FHIT: variants seen among roughly 807,000 people sequenced by gnomAD.
FHIT encodes fragile histidine triad diadenosine triphosphatase.
FHIT carries 19 observed loss-of-function variants against 17.9 expected under a neutral mutation model. The ratio of observed to expected loss-of-function variants is 1.06; its 90% confidence interval spans 0.74 to 1.56. The LOEUF is 1.56. Ranked by LOEUF, FHIT falls within the 40% of genes most tolerant of loss-of-function variation. The probability of loss-of-function intolerance (pLI) is 0.00; values close to 1 mark genes in which losing one functional copy is unlikely to be tolerated. For missense variants in FHIT, 248 were observed against 189.2 expected (o/e 1.31, Z -1.82); for synonymous variants, 81 against 69.7 (o/e 1.16, Z -0.81).
At chr3:60,868,041 A>G (rs1334449340) in intron 3 of FHIT, among the ~76,000 whole-genome samples, 1 of 152,172 alleles carries the variant, frequency 6.6e-6, no homozygotes, top group Non-Finnish European at 1.5e-5. Flanking sequence ...TCACCAAGAC[A>G]TAGCTTGTTA....
intron 4 of FHIT, among the ~76,000 whole-genome samples, chr3:60,674,360 C>T (rs577182869): frequency 2.6e-5 from 4 of 152,196 alleles, no homozygotes; most frequent in Admixed American, 1.3e-4. Context: ...TTAAATTCCT[C>T]ATTTTCTAAT....
intron 7 of FHIT, among the ~76,000 whole-genome samples, chr3:59,929,080 G>C (rs1575713227): frequency 6.6e-6 from 1 of 151,042 alleles, no homozygotes; most frequent in African/African-American, 2.4e-5. Context: ...TGTACAAGCT[G>C]GTGCAGATGT....
At chr3:60,571,577 G>C (rs1200347500) in intron 4 of FHIT, among the ~76,000 whole-genome samples, 1 of 152,026 alleles carries the variant, frequency 6.6e-6, no homozygotes, top group Admixed American at 6.6e-5. Context: ...AGGTCACCTG[G>C]GGTATGTTCA....
chr3:60,300,033 T>C (rs941978746), intron 5 of FHIT, among the ~76,000 whole-genome samples: 1 of 152,118 alleles, frequency 6.6e-6, no homozygotes, highest in Non-Finnish European at 1.5e-5. Flanking sequence ...GCTTCTTTAG[T>C]TCCAGGGCTG....
chr3:60,155,025 T>C (rs1700619884), intron 5 of FHIT, among the ~76,000 whole-genome samples: 1 of 151,628 alleles, frequency 6.6e-6, no homozygotes, highest in Non-Finnish European at 1.5e-5. Flanking sequence ...CATAGTGAGA[T>C]CCCAGTTTTA....
rs1001400591 is a variant in FHIT at position 60,023,008 on chromosome 3, C to T, written c.104-8856G>A. Among the ~76,000 whole-genome samples the T allele has an allele frequency of 7.2e-5, 11 of 152,150 alleles. No homozygotes were observed. The Middle Eastern group carries it at 0.01, about 141-fold the overall frequency. On this transcript the variant is annotated intron_variant, in intron 5 of 9. Coordinates refer to ENST00000492590, the MANE Select transcript of FHIT (RefSeq NM_002012.4). ...CTGAAAAGGAAAATTAACTGTCACT[C>T]GAAAGAGTCTGTCCACAATGTGTAA... is the stretch of plus-strand genomic sequence containing the variant.
Position 60,002,429 on chromosome 3 carries a change from G to C in FHIT, c.279+8942C>G, listed in dbSNP as rs72877078. 3.9e-3 allele frequency among the ~76,000 whole-genome samples: 589 copies of C among 152,188 alleles called. 8 individuals carry two copies. The highest frequency in any genetic ancestry group is 0.014 in the African/African-American group (563 of 41,510). The stretch of plus-strand genomic sequence containing the variant: ...TGAACAAGAGGCTTCTTTGGAGAAC[G>C]GATCTATTAGACAATAAGGTAGGAT... On this transcript the variant is annotated intron_variant, in intron 7 of 9. Transcript: ENST00000492590.
chr3:60,608,772 T>C (rs2038689419), intron 4 of FHIT, among the ~76,000 whole-genome samples: 1 of 152,200 alleles, frequency 6.6e-6, no homozygotes, highest in Admixed American at 6.5e-5. Context: ...TATTTGGTTT[T>C]GCAAGTCAGT....
At chr3:60,473,007 G>T (rs1391851345) in intron 5 of FHIT, among the ~76,000 whole-genome samples, 1 of 152,086 alleles carries the variant, frequency 6.6e-6, no homozygotes, top group African/African-American at 2.4e-5. Flanking sequence ...TCCAGAGACT[G>T]AGAACTTTTA....
chr3:60,570,749 A>AAC (rs1553655335), intron 4 of FHIT, among the ~76,000 whole-genome samples: 4 of 151,062 alleles, frequency 2.6e-5, no homozygotes, highest in Admixed American at 2.6e-4. Flanking sequence ...AAAAAAAAAA[A>AAC]AAAAAACTAT....
At chr3:61,130,070 G>A (rs1186635170) in intron 2 of FHIT, among the ~76,000 whole-genome samples, 1 of 152,134 alleles carries the variant, frequency 6.6e-6, no homozygotes, top group Non-Finnish European at 1.5e-5. Flanking sequence ...AGTTGGCAAA[G>A]TAAATCTGAA....
intron 5 of FHIT, among the ~76,000 whole-genome samples, chr3:60,351,062 C>T (rs191754732): frequency 2.6e-5 from 4 of 151,406 alleles, no homozygotes; most frequent in Middle Eastern, 3.4e-3. Context: ...AGCTATATTG[C>T]AGCCTGGTAG....
At chr3:59,814,092 C>T (rs1700510610) in intron 8 of FHIT, among the ~76,000 whole-genome samples, 1 of 149,960 alleles carries the variant, frequency 6.7e-6, no homozygotes, top group African/African-American at 2.5e-5. Flanking sequence ...GTGAATTATT[C>T]AGGGAGGAGA....
rs909112253 is a variant in FHIT, at chr3:61,152,980, A to G, written c.-164+47637T>C. On this transcript the variant is annotated intron_variant, in intron 2 of 9. Coordinates refer to ENST00000492590, the MANE Select transcript of FHIT (RefSeq NM_002012.4). The stretch of plus-strand genomic sequence containing the variant: ...AACACGGTGAAATCCCATCTCTACT[A>G]AAAATACAAAAAATCAGCCGGGCGT... 2.0e-5 allele frequency among the ~76,000 whole-genome samples: 3 copies of G among 152,216 alleles called. No homozygotes were observed. The East Asian group carries it at 5.8e-4, about 29-fold the overall frequency.
chr3:61,119,533 G>A lies in FHIT; in HGVS notation c.-163-77434C>T, dbSNP rs2036396154. The stretch of plus-strand genomic sequence containing the variant: ...CCAGCCTGTTATAGTTAATTTTACT[G>A]TCAACTTGACTGAGCTAAGAGATTC... On this transcript the variant is annotated intron_variant, in intron 2 of 9. Coordinates refer to ENST00000492590, the MANE Select transcript of FHIT (RefSeq NM_002012.4). Among the ~76,000 whole-genome samples, 4 of 152,130 alleles carry A rather than the reference G, an allele frequency of 2.6e-5. No homozygotes were observed. In the South Asian group the frequency reaches 8.3e-4, roughly 32 times the overall value.
At chr3:61,210,964 T>C (rs900353240) in intron 1 of FHIT, among the ~76,000 whole-genome samples, 24 of 152,044 alleles carry the variant, frequency 1.6e-4, no homozygotes, top group African/African-American at 5.6e-4. Flanking sequence ...CCGTTTTTTA[T>C]TGACATATAA....
At chr3:60,376,873 A>T (rs1373967000) in intron 5 of FHIT, among the ~76,000 whole-genome samples, 3 of 152,186 alleles carry the variant, frequency 2.0e-5, no homozygotes, top group African/African-American at 7.2e-5. Flanking sequence ...TGGCATAGAG[A>T]AGTGGACAGT....
At chr3:60,613,191 G>T (rs567090095) in intron 4 of FHIT, among the ~76,000 whole-genome samples, 1 of 152,158 alleles carries the variant, frequency 6.6e-6, no homozygotes, top group Admixed American at 6.5e-5. Flanking sequence ...ATACTTACAG[G>T]TCAGAAGGGT....
At chr3:60,473,042 A>G (rs995554037) in intron 5 of FHIT, among the ~76,000 whole-genome samples, 12 of 152,166 alleles carry the variant, frequency 7.9e-5, no homozygotes, top group African/African-American at 2.9e-4. Flanking sequence ...CATGTCCCAG[A>G]GTTGATCCTT....
Sources: gnomAD v4.1 joint callset for allele counts (sites outside exome capture counted in the v4.1 genomes callset) on GRCh38, gnomAD v4.1.1 for gene constraint, MANE v1.5 for transcripts, NCBI Gene and HGNC (gene_info 2026-07-23, HGNC 2026-07-21) for gene names.